The following PRKG1 variants were observed in gnomAD, a reference collection of about 807,000 sequenced individuals.
The protein encoded by PRKG1 is cGMP-dependent protein kinase 1.
Under a neutral mutation model 88.1 loss-of-function variants are expected in PRKG1, and 35 were observed. That is an observed-to-expected ratio of 0.40 (90% CI 0.30 to 0.53). The LOEUF is 0.53. Ranked by LOEUF, PRKG1 falls within the 20% of genes least tolerant of loss-of-function variation. PRKG1 has a pLI of 0.59. For synonymous variants in PRKG1, 303 were observed against 292.5 expected (o/e 1.04, Z -0.37); for missense variants, 540 against 839.8 (o/e 0.64, Z 4.41).
chr10:51,698,033 G>T (rs1841349847), intron 3 of PRKG1: 1 of 1,613,978 alleles, frequency 6.2e-7, no homozygotes, highest in Non-Finnish European at 8.5e-7. Flanking sequence ...CTGCATACCA[G>T]CTCCAGGATT....
intron 7 of PRKG1, among the ~76,000 whole-genome samples, chr10:52,112,643 T>C (rs1341597870): frequency 6.6e-6 from 1 of 152,156 alleles, no homozygotes; most frequent in Non-Finnish European, 1.5e-5. Context: ...CTGTGAGAGC[T>C]TTCAGCCAAA....
intron 2 of PRKG1, among the ~76,000 whole-genome samples, chr10:51,420,228 C>G (rs1455546501): frequency 1.3e-5 from 2 of 151,992 alleles, no homozygotes; most frequent in East Asian, 3.9e-4. Flanking sequence ...GAGGTGGGTG[C>G]CACACACTTT....
chr10:51,453,019 G>A (rs1210650530), intron 2 of PRKG1, among the ~76,000 whole-genome samples: 1 of 151,870 alleles, frequency 6.6e-6, no homozygotes, highest in Non-Finnish European at 1.5e-5. Context: ...TTTAATCTAG[G>A]AGGTTTGCAT....
chr10:51,081,096 G>A (rs1844097988), intron 1 of PRKG1, among the ~76,000 whole-genome samples: 1 of 151,936 alleles, frequency 6.6e-6, no homozygotes, highest in Admixed American at 6.5e-5. Flanking sequence ...TTTTTTCATT[G>A]CTTATAAAAT....
intron 10 of PRKG1, among the ~76,000 whole-genome samples, chr10:52,259,009 C>A (rs1841371425): frequency 6.7e-6 from 1 of 149,668 alleles, no homozygotes; most frequent in Non-Finnish European, 1.5e-5. Context: ...CACAGGACAC[C>A]AAAGCAAGTG....
intron 3 of PRKG1, among the ~76,000 whole-genome samples, chr10:51,571,108 G>A (rs1342123885): frequency 6.6e-6 from 1 of 151,920 alleles, no homozygotes; most frequent in Non-Finnish European, 1.5e-5. Context: ...CTCTGCATTT[G>A]ACGTGCTCAC....
At chr10:51,149,395 T>C (rs1168667683) in intron 1 of PRKG1, among the ~76,000 whole-genome samples, 5 of 152,154 alleles carry the variant, frequency 3.3e-5, no homozygotes, top group African/African-American at 4.8e-5. Context: ...AGTAGGTATA[T>C]GTTTTCCTAT....
intron 7 of PRKG1, among the ~76,000 whole-genome samples, chr10:52,122,315 A>G (rs2132613666): frequency 6.6e-6 from 1 of 152,326 alleles, no homozygotes; most frequent in East Asian, 1.9e-4. Flanking sequence ...TGACCTAATT[A>G]CCTCTTAATG....
chr10:51,463,446 G>A (rs183155361), intron 2 of PRKG1, among the ~76,000 whole-genome samples: 102 of 152,034 alleles, frequency 6.7e-4, no homozygotes, highest in African/African-American at 2.4e-3. Context: ...CTATGCAAAT[G>A]GAGTCAGTGT....
chr10:51,220,546 A>G (rs958413710), intron 2 of PRKG1, among the ~76,000 whole-genome samples: 1 of 152,230 alleles, frequency 6.6e-6, no homozygotes, highest in Non-Finnish European at 1.5e-5. Flanking sequence ...ATCATAGTAT[A>G]GGACACCAGT....
chr10:51,505,236 G>C (rs1841160199), intron 3 of PRKG1, among the ~76,000 whole-genome samples: 1 of 152,014 alleles, frequency 6.6e-6, no homozygotes, highest in Non-Finnish European at 1.5e-5. Context: ...TAATCATGTG[G>C]TTTTGTCGTT....
At chr10:51,707,478 AG>A (rs1841638786) in intron 3 of PRKG1, among the ~76,000 whole-genome samples, 1 of 152,244 alleles carries the variant, frequency 6.6e-6, no homozygotes, top group Non-Finnish European at 1.5e-5. Flanking sequence ...TTCGTGCTTC[AG>A]GCTGTCACCC....
intron 2 of PRKG1, among the ~76,000 whole-genome samples, chr10:51,369,889 C>G (rs1012046401): frequency 5.3e-5 from 8 of 152,082 alleles, no homozygotes; most frequent in Non-Finnish European, 8.8e-5. Context: ...TTATGTATAC[C>G]AAAATGTGGA....
chr10:51,388,639 C>A (rs1211662393), intron 2 of PRKG1, among the ~76,000 whole-genome samples: 1 of 152,152 alleles, frequency 6.6e-6, no homozygotes, highest in Non-Finnish European at 1.5e-5. Flanking sequence ...CAATTAAATT[C>A]TCCTAACACT....
At chr10:51,481,007 C>T (rs1466548901) in intron 3 of PRKG1, among the ~76,000 whole-genome samples, 1 of 151,906 alleles carries the variant, frequency 6.6e-6, no homozygotes, top group African/African-American at 2.4e-5. Flanking sequence ...AAATATGAGC[C>T]ATACATATAA....
chr10:51,915,843 C>CA, intron 5 of PRKG1, among the ~76,000 whole-genome samples: 1 of 152,108 alleles, frequency 6.6e-6, no homozygotes, highest in East Asian at 1.9e-4. Context: ...TATAAGGACA[C>CA]AAAAAATTTC....
chr10:51,605,632 T>C (rs897675574), intron 3 of PRKG1, among the ~76,000 whole-genome samples: 3 of 152,198 alleles, frequency 2.0e-5, no homozygotes, highest in Non-Finnish European at 4.4e-5. Context: ...TTCCATCTAA[T>C]ACCATCCTGC....
chr10:51,710,541 G>C lies in PRKG1; in HGVS notation c.593-94044G>C, dbSNP rs140037889. On this transcript the variant is annotated intron_variant, in intron 3 of 17. Coordinates refer to ENST00000373980, the MANE Select transcript of PRKG1 (RefSeq NM_006258.4). Reference sequence around the variant, plus strand: ...GAAGCTTCAGGCAAGCCTGCTCTATGGATAGTACATTGTTGCCAGGCCATT... The same window carrying C: ...GAAGCTTCAGGCAAGCCTGCTCTATCGATAGTACATTGTTGCCAGGCCATT... Among the ~76,000 whole-genome samples, 532 of 152,304 alleles carry C rather than the reference G, an allele frequency of 3.5e-3. 3 individuals are homozygous for C. Among genetic ancestry groups the C allele is most frequent in the African/African-American group, 0.012 (496 of 41,566 alleles).
intron 9 of PRKG1, among the ~76,000 whole-genome samples, chr10:52,189,471 C>T (rs974764241): frequency 9.2e-5 from 14 of 152,186 alleles, no homozygotes; most frequent in African/African-American, 3.1e-4. Context: ...GCATTACTAC[C>T]TGAGCTCTGC....
Sources: allele counts gnomAD v4.1 joint callset (sites outside exome capture counted in the v4.1 genomes callset), GRCh38; gene constraint gnomAD v4.1.1; transcripts MANE v1.5; gene names NCBI Gene and HGNC (gene_info 2026-07-23, HGNC 2026-07-21).